Variants in SHC3 observed in about 807,000 individuals in gnomAD.
The protein encoded by SHC3 is SHC adaptor protein 3, also known as SHC-transforming protein 3.
SHC3 carries 15 observed loss-of-function variants against 60.4 expected under a neutral mutation model. The observed-to-expected ratio is 0.25, with a 90% CI of 0.17 to 0.38. SHC3 has a LOEUF of 0.38. Among genes scored for constraint, SHC3 ranks in the 10% least tolerant of loss-of-function variants. SHC3 has a pLI of 1.00. For missense variants in SHC3, 677 were observed against 786.1 expected (o/e 0.86, Z 1.66); for synonymous variants, 294 against 325.9 (o/e 0.90, Z 1.05).
At chr9:89,102,929 T>A (rs770680907) in intron 2 of SHC3, among the ~76,000 whole-genome samples, 1 of 152,138 alleles carries the variant, frequency 6.6e-6, no homozygotes, top group Non-Finnish European at 1.5e-5. Context: ...AGTGGCCTTG[T>A]AGCTCAGGAC....
intron 5 of SHC3, among the ~76,000 whole-genome samples, chr9:89,069,011 G>C (rs972699179): frequency 6.6e-6 from 1 of 152,196 alleles, no homozygotes; most frequent in African/African-American, 2.4e-5. Context: ...GACAGCATCT[G>C]AAGAAATGCA....
chr9:89,094,103 CAA>C (rs1160433992), intron 2 of SHC3, among the ~76,000 whole-genome samples: 31 of 73,008 alleles, frequency 4.2e-4, no homozygotes, highest in Admixed American at 1.0e-3. Flanking sequence ...GACTCTGTCT[CAA>C]AAAAAAAAAA....
chr9:89,028,458 A>G (rs1826356651), intron 11 of SHC3, among the ~76,000 whole-genome samples: 1 of 149,274 alleles, frequency 6.7e-6, no homozygotes. Flanking sequence ...AAGTTAAACA[A>G]TTTATATTAA....
At chr9:89,025,599 G>A (rs1224036902) in intron 11 of SHC3, among the ~76,000 whole-genome samples, 2 of 152,164 alleles carry the variant, frequency 1.3e-5, no homozygotes, top group African/African-American at 4.8e-5. Flanking sequence ...GATGGGAAGT[G>A]GGGGTCAGAC....
At chr9:89,082,571 C>T (rs1825462572) in intron 2 of SHC3, among the ~76,000 whole-genome samples, 1 of 152,212 alleles carries the variant, frequency 6.6e-6, no homozygotes, top group Non-Finnish European at 1.5e-5. Context: ...ATCGCCCCTC[C>T]TCCATGGGAG....
intron 1 of SHC3, among the ~76,000 whole-genome samples, chr9:89,140,197 G>A (rs2118188723): frequency 6.6e-6 from 1 of 152,232 alleles, no homozygotes; most frequent in African/African-American, 2.4e-5. Flanking sequence ...ATACATGACA[G>A]AAGAAGACCC....
intron 11 of SHC3, among the ~76,000 whole-genome samples, chr9:89,016,151 C>A (rs1051874206): frequency 6.6e-6 from 1 of 151,858 alleles, no homozygotes; most frequent in Non-Finnish European, 1.5e-5. Context: ...GCCCAAAAAA[C>A]CTCTAGCCAG....
intron 2 of SHC3, among the ~76,000 whole-genome samples, chr9:89,105,456 G>A (rs993542823): frequency 2.0e-5 from 3 of 152,134 alleles, no homozygotes; most frequent in Non-Finnish European, 2.9e-5. Flanking sequence ...TTACCGTGCT[G>A]AACTATATAA....
At chr9:89,116,926 T>C (rs975449525) in intron 1 of SHC3, among the ~76,000 whole-genome samples, 1 of 152,148 alleles carries the variant, frequency 6.6e-6, no homozygotes, top group Non-Finnish European at 1.5e-5. Flanking sequence ...ACAATTAACA[T>C]TGCAGAGTTA....
At chr9:89,127,212 T>C (rs1032430625) in intron 1 of SHC3, among the ~76,000 whole-genome samples, 1 of 152,146 alleles carries the variant, frequency 6.6e-6, no homozygotes, top group African/African-American at 2.4e-5. Context: ...CTTTGTCATT[T>C]TTTAAATTCT....
chr9:89,100,234 C>A (rs1025865664), intron 2 of SHC3, among the ~76,000 whole-genome samples: 2 of 152,060 alleles, frequency 1.3e-5, no homozygotes, highest in Non-Finnish European at 2.9e-5. Context: ...GTGGGCCAGG[C>A]AGCAGTCATG....
intron 6 of SHC3, among the ~76,000 whole-genome samples, chr9:89,059,720 G>C (rs1825041838): frequency 3.6e-5 from 1 of 27,540 alleles, no homozygotes; most frequent in African/African-American, 1.9e-4. Flanking sequence ...GGAGGATGGT[G>C]GTGCAGGACG....
intron 1 of SHC3, among the ~76,000 whole-genome samples, chr9:89,135,961 G>A (rs1826313740): frequency 6.6e-6 from 1 of 152,136 alleles, no homozygotes; most frequent in African/African-American, 2.4e-5. Flanking sequence ...TCCTTGTGTA[G>A]GAATGCAGGA....
At chr9:89,088,254 T>C (rs1431044805) in intron 2 of SHC3, among the ~76,000 whole-genome samples, 1 of 152,216 alleles carries the variant, frequency 6.6e-6, no homozygotes, top group Non-Finnish European at 1.5e-5. Flanking sequence ...TTTCAACCAA[T>C]TGCCAATCAG....
rs1301848308 is a variant in SHC3 at position 89,009,718 on chromosome 9, C to G, written c.*3729G>C. 6.6e-6 allele frequency: 1 copy of G among 152,206 alleles called. No homozygotes were observed. The highest frequency in any genetic ancestry group is 1.5e-5 in the Non-Finnish European group (1 of 68,080). 9.4% of individuals were successfully genotyped at this position (152,206 alleles called of 1,614,324 possible). On this transcript the variant is annotated 3_prime_UTR_variant, in exon 12 of 12. Transcript: ENST00000375835. ...CCGCATTGCCTCTGCCCTGGAAAGG[C>G]CTATAGTCCGAGGCTTCTGCCCAGC...
At chr9:89,133,237 C>T (rs999996135) in intron 1 of SHC3, among the ~76,000 whole-genome samples, 4 of 152,186 alleles carry the variant, frequency 2.6e-5, no homozygotes, top group Admixed American at 6.5e-5. Flanking sequence ...GTTAGAATGG[C>T]GATCATTAAA....
At chr9:89,147,739 G>A (rs1826490796) in intron 1 of SHC3, among the ~76,000 whole-genome samples, 1 of 151,852 alleles carries the variant, frequency 6.6e-6, no homozygotes, top group Non-Finnish European at 1.5e-5. Context: ...TCATGCTGCT[G>A]AAACTCAAAA....
At chr9:89,035,281 AT>A (rs1456507579) in intron 11 of SHC3, among the ~76,000 whole-genome samples, 1 of 152,222 alleles carries the variant, frequency 6.6e-6, no homozygotes, top group Non-Finnish European at 1.5e-5. Context: ...TCTTCTTCAA[AT>A]TAATCTACAT....
intron 1 of SHC3, among the ~76,000 whole-genome samples, chr9:89,164,815 GT>G (rs1826762352): frequency 6.6e-6 from 1 of 152,108 alleles, no homozygotes; most frequent in South Asian, 2.1e-4. Flanking sequence ...AGTAAATGTT[GT>G]TGATATTTGA....
Sources: allele counts gnomAD v4.1 joint callset (sites outside exome capture counted in the v4.1 genomes callset), GRCh38; gene constraint gnomAD v4.1.1; transcripts MANE v1.5; gene names NCBI Gene and HGNC (gene_info 2026-07-23, HGNC 2026-07-21).